SLC44A1: variants seen among roughly 807,000 people sequenced by gnomAD.
SLC44A1 encodes choline transporter-like protein 1.
Under a neutral mutation model 79.3 loss-of-function variants are expected in SLC44A1, and 26 were observed. The observed-to-expected ratio is 0.33, with a 90% CI of 0.24 to 0.46. The LOEUF is 0.46. Ranked by LOEUF, SLC44A1 falls within the 20% of genes least tolerant of loss-of-function variation. The pLI is 1.00. For synonymous variants in SLC44A1, 263 were observed against 286.2 expected (o/e 0.92, Z 0.82); for missense variants, 688 against 798.1 (o/e 0.86, Z 1.66).
intron 3 of SLC44A1, among the ~76,000 whole-genome samples, chr9:105,334,331 A>T (rs1826844950): frequency 6.7e-6 from 1 of 149,120 alleles, no homozygotes; most frequent in South Asian, 2.1e-4. Flanking sequence ...GTGTTACTTG[A>T]TCTGCAAAGG....
At chr9:105,425,077 A>G (rs1829303277) in intron 15 of SLC44A1, among the ~76,000 whole-genome samples, 1 of 152,212 alleles carries the variant, frequency 6.6e-6, no homozygotes, top group Non-Finnish European at 1.5e-5. Context: ...GTAAATATGT[A>G]TGTAGTATAT....
chr9:105,301,703 A>T lies in SLC44A1; in HGVS notation c.126+2394A>T, dbSNP rs377088570. On this transcript the variant is annotated intron_variant, in intron 2 of 15. Coordinates refer to ENST00000374720, the MANE Select transcript of SLC44A1 (RefSeq NM_080546.5). ...GTATCTTTTAAATTTTTTTCAATGAAATAGGTTTTATCCCCTGCTTATAGA... is the reference window on the plus strand; with the variant it reads ...GTATCTTTTAAATTTTTTTCAATGATATAGGTTTTATCCCCTGCTTATAGA... Among the ~76,000 whole-genome samples the T allele has an allele frequency of 3.9e-5, 6 of 152,294 alleles. No individual in the cohort carries two copies. The East Asian group carries it at 1.2e-3, about 29-fold the overall frequency.
intron 1 of SLC44A1, among the ~76,000 whole-genome samples, chr9:105,267,622 T>C (rs371633115): frequency 9.8e-5 from 15 of 152,356 alleles, no homozygotes; most frequent in African/African-American, 3.6e-4. Flanking sequence ...CAGTATTCTT[T>C]TTTGTTTTTA....
At chr9:105,423,374 G>A (rs1160251454) in intron 15 of SLC44A1, among the ~76,000 whole-genome samples, 1 of 152,144 alleles carries the variant, frequency 6.6e-6, no homozygotes, top group East Asian at 1.9e-4. Flanking sequence ...CTGAGGCAGG[G>A]AGAATCACTT....
rs116133655 is a variant in SLC44A1, at chr9:105,266,048, C to A, written c.36+21144C>A. On this transcript the variant is annotated intron_variant, in intron 1 of 15. Coordinates refer to ENST00000374720, the MANE Select transcript of SLC44A1 (RefSeq NM_080546.5). ...TCATAACTCACTGCAGCCTCAAACTCCTGGGCTCAAACAGTCTTCCTGTCC... is the reference window on the plus strand; with the variant it reads ...TCATAACTCACTGCAGCCTCAAACTACTGGGCTCAAACAGTCTTCCTGTCC... Among the ~76,000 whole-genome samples the A allele has an allele frequency of 6.7e-3, 1,026 of 152,264 alleles. 9 individuals are homozygous for A. The highest frequency in any genetic ancestry group is 0.023 in the African/African-American group (950 of 41,542).
chr9:105,309,860 A>C lies in SLC44A1; in HGVS notation c.263A>C (p.Gln88Pro), dbSNP rs1831131719. ...CCAAACAGTGGCATGGACCACACCC[A>C]GCGGAAGTGAGTAGACTTGCTGAAT... Reference protein sequence around the residue: ...AIPNSGMDHTQRKYVFFLDPC... With the variant: ...AIPNSGMDHTPRKYVFFLDPC... The change falls in exon 3 of 16, where the codon CAG becomes CCG. Residue 88 changes from glutamine (Q) to proline (P), a missense_variant. Coordinates refer to ENST00000374720, the MANE Select transcript of SLC44A1 (RefSeq NM_080546.5). 2 of 1,613,216 alleles carry C rather than the reference A, an allele frequency of 1.2e-6. No homozygotes were observed. Among genetic ancestry groups the C allele is most frequent in the Admixed American group, 1.7e-5 (1 of 59,986 alleles).
chr9:105,410,099 C>T (rs1476629756), intron 15 of SLC44A1, among the ~76,000 whole-genome samples: 1 of 151,792 alleles, frequency 6.6e-6, no homozygotes, highest in African/African-American at 2.4e-5. Flanking sequence ...CAAAATAGAC[C>T]TAAATATAAG....
At chr9:105,372,732 C>T (rs1361737397) in intron 12 of SLC44A1, among the ~76,000 whole-genome samples, 2 of 147,646 alleles carry the variant, frequency 1.4e-5, no homozygotes, top group African/African-American at 2.4e-5. Flanking sequence ...GGGCGGATCA[C>T]GAGGTCAGGA....
At chr9:105,360,203 T>G (rs909492024) in intron 7 of SLC44A1, among the ~76,000 whole-genome samples, 1 of 152,188 alleles carries the variant, frequency 6.6e-6, no homozygotes, top group Non-Finnish European at 1.5e-5. Flanking sequence ...TTTCCTTAGA[T>G]AGTGTCATAG....
intron 1 of SLC44A1, among the ~76,000 whole-genome samples, chr9:105,251,356 A>G (rs1002115509): frequency 6.6e-6 from 1 of 152,124 alleles, no homozygotes; most frequent in Non-Finnish European, 1.5e-5. Context: ...TCTCAACGTC[A>G]CTGCCAGCAC....
At chr9:105,409,716 C>T (rs1301300038) in intron 15 of SLC44A1, among the ~76,000 whole-genome samples, 6 of 151,966 alleles carry the variant, frequency 3.9e-5, no homozygotes, top group South Asian at 2.1e-4. Context: ...CCACAGTACA[C>T]GAAACAGAAA....
intron 1 of SLC44A1, among the ~76,000 whole-genome samples, chr9:105,257,132 T>C (rs1050646495): frequency 1.3e-5 from 2 of 151,318 alleles, no homozygotes; most frequent in African/African-American, 4.9e-5. Context: ...GTTTCGCTCT[T>C]GTTGCCCATA....
At chr9:105,401,616 A>G (rs1828959034), downstream of SLC44A1, among the ~76,000 whole-genome samples, 1 of 152,192 alleles carries the variant, frequency 6.6e-6, no homozygotes, top group African/African-American at 2.4e-5. Flanking sequence ...AGAAGAAATA[A>G]TAGAAATGAT....
intron 11 of SLC44A1, 24 bp from the exon 12 acceptor site, chr9:105,366,322 T>A: frequency 7.5e-7 from 1 of 1,327,388 alleles, no homozygotes; most frequent in Non-Finnish European, 1.0e-6. Flanking sequence ...GTTTTTTTAT[T>A]ATTTCCATTT....
At chr9:105,434,286 A>G (rs1327427320) in intron 15 of SLC44A1, among the ~76,000 whole-genome samples, 1 of 152,122 alleles carries the variant, frequency 6.6e-6, no homozygotes, top group Non-Finnish European at 1.5e-5. Context: ...GGTTGCAGTG[A>G]GCCGAGACTG....
rs972431654 is a variant in SLC44A1, at chr9:105,367,675, A to G, written c.1494+1246A>G. 6.6e-5 allele frequency among the ~76,000 whole-genome samples: 10 copies of G among 152,212 alleles called. No homozygotes were observed. The South Asian group carries it at 2.1e-3, about 32-fold the overall frequency. On this transcript the variant is annotated intron_variant, in intron 12 of 15. Transcript: ENST00000374720. ...ACCCCCAGGCACCTTTTGCTTTTGCAGTTTTCCAAATGTGCCTGGAATCTG... is the reference window on the plus strand; with the variant it reads ...ACCCCCAGGCACCTTTTGCTTTTGCGGTTTTCCAAATGTGCCTGGAATCTG...
intron 13 of SLC44A1, among the ~76,000 whole-genome samples, chr9:105,381,103 A>G (rs909556944): frequency 6.6e-6 from 1 of 152,158 alleles, no homozygotes. Flanking sequence ...TCTATAACTA[A>G]CTTTACCATT....
intron 3 of SLC44A1, among the ~76,000 whole-genome samples, chr9:105,325,488 A>C (rs977259549): frequency 6.6e-6 from 1 of 152,250 alleles, no homozygotes; most frequent in Non-Finnish European, 1.5e-5. Flanking sequence ...TCTACATCTC[A>C]TGAGAGCCTT....
At chr9:105,354,313 G>C (rs957917881) in intron 5 of SLC44A1, among the ~76,000 whole-genome samples, 12 of 151,900 alleles carry the variant, frequency 7.9e-5, no homozygotes, top group African/African-American at 2.9e-4. Flanking sequence ...GCCTCCCAAA[G>C]TGCTGGGATT....
Sources: allele counts gnomAD v4.1 joint callset (sites outside exome capture counted in the v4.1 genomes callset), GRCh38; gene constraint gnomAD v4.1.1; transcripts MANE v1.5; gene names NCBI Gene and HGNC (gene_info 2026-07-23, HGNC 2026-07-21).